Variants in TESPA1 observed in about 807,000 individuals in gnomAD.
TESPA1 encodes thymocyte expressed, positive selection associated 1.
In TESPA1, 33 loss-of-function variants were observed where a neutral mutation model predicts 57.9. The observed-to-expected ratio is 0.57, with a 90% confidence interval of 0.43 to 0.76. The LOEUF is 0.76. Ranked by LOEUF, TESPA1 falls within the 30% of genes least tolerant of loss-of-function variation. The probability of loss-of-function intolerance (pLI) is 0.00; values close to 1 mark genes in which losing one functional copy is unlikely to be tolerated. For missense variants in TESPA1, 618 were observed against 632.9 expected, an observed-to-expected ratio of 0.98 and a Z score of 0.25; for synonymous variants, 227 against 228.9, an observed-to-expected ratio of 0.99 and a Z score of 0.07.
chr12:54,973,766 C>G (rs1158170892), intron 2 of TESPA1: 1 of 1,263,428 alleles, frequency 7.9e-7, no homozygotes, highest in Non-Finnish European at 1.0e-6. Flanking sequence ...GATGTCAGGC[C>G]CACTGCTGTC....
At chr12:54,977,433 T>C (rs1189978732) in intron 1 of TESPA1, among the ~76,000 whole-genome samples, 1 of 152,210 alleles carries the variant, frequency 6.6e-6, no homozygotes, top group Non-Finnish European at 1.5e-5. Context: ...AGAGAGATGG[T>C]TATTCTAAGA....
intron 10 of TESPA1, among the ~76,000 whole-genome samples, chr12:54,959,048 T>G (rs1950913994): frequency 6.6e-6 from 1 of 152,236 alleles, no homozygotes; most frequent in Non-Finnish European, 1.5e-5. Flanking sequence ...TACTATGTCT[T>G]TTTTTTACAA....
At position 54,974,445 on chromosome 12, in the gene TESPA1, C is replaced by T. The variant is rs774929485; in HGVS notation, c.118G>A (p.Val40Ile). The change falls in exon 2 of 11, where the codon GTC becomes ATC. Residue 40 changes from valine to isoleucine, a missense_variant. Coordinates refer to ENST00000449076, the MANE Select transcript of TESPA1 (RefSeq NM_001136030.3). ...EEEAAAALQDVPDPEPSSLDD... is the reference protein window; with the variant it reads ...EEEAAAALQDIPDPEPSSLDD... Reference sequence around the variant, plus strand: ...AGGCTGGAAGGCTCAGGATCTGGGACATCCTGCAGGGCGGCGGCAGCCTCC... The same window carrying T: ...AGGCTGGAAGGCTCAGGATCTGGGATATCCTGCAGGGCGGCGGCAGCCTCC... 2 of 1,610,646 alleles carry T rather than the reference C, an allele frequency of 1.2e-6. No homozygotes were observed. Among genetic ancestry groups the T allele is most frequent in the Non-Finnish European group, 1.7e-6 (2 of 1,178,522 alleles).
At chr12:54,982,790 T>C (rs574005707) in intron 1 of TESPA1, among the ~76,000 whole-genome samples, 2 of 152,348 alleles carry the variant, frequency 1.3e-5, no homozygotes, top group African/African-American at 4.8e-5. Context: ...TTTCATTTCC[T>C]TGGTAATAAG....
intron 10 of TESPA1, among the ~76,000 whole-genome samples, chr12:54,958,321 TA>T: frequency 6.6e-6 from 1 of 152,232 alleles, no homozygotes; most frequent in Non-Finnish European, 1.5e-5. Flanking sequence ...GGCAAGAACC[TA>T]CTTGTGGAGT....
chr12:54,973,409 AG>A, intron 3 of TESPA1, 67 bp downstream of exon 3: 1 of 1,605,134 alleles, frequency 6.2e-7, no homozygotes, highest in Non-Finnish European at 8.5e-7. Flanking sequence ...CTGAGTTTCC[AG>A]GAGTTGTGTC....
rs965574180 is a variant in TESPA1 at position 54,948,970 on chromosome 12, C to A, written c.*1422G>T. The stretch of plus-strand genomic sequence containing the variant: ...TTCTTCCAGCCTCTTCCCAGTTTTA[C>A]AACTCAGGAATATCTTTCTCTAGGA... On this transcript the variant is annotated 3_prime_UTR_variant, in exon 11 of 11. Transcript: ENST00000449076. 1 of 152,174 alleles carries A rather than the reference C, an allele frequency of 6.6e-6. No homozygotes were observed. The highest frequency in any genetic ancestry group is 1.5e-5 in the Non-Finnish European group (1 of 68,036). The allele number at this position is 152,174 out of a possible 1,614,324, so 9.4% of individuals were successfully genotyped here.
At chr12:54,974,052 G>T in intron 2 of TESPA1, 2 of 379,406 alleles carry the variant, frequency 5.3e-6, no homozygotes, top group Non-Finnish European at 7.6e-6. Context: ...ACAGCATTGT[G>T]GCCAGAGTCC....
chr12:54,982,897 C>T (rs1345635357), intron 1 of TESPA1, among the ~76,000 whole-genome samples: 1 of 152,126 alleles, frequency 6.6e-6, no homozygotes, highest in Non-Finnish European at 1.5e-5. Context: ...TTTGACTGAA[C>T]TCTTTTCTCA....
Position 54,969,019 on chromosome 12 carries a change from A to ATG in TESPA1, c.207-1129_207-1128dup, listed in dbSNP as rs147959428. On this transcript the variant is annotated intron_variant, in intron 3 of 10. Transcript: ENST00000449076. ...AAAATAAGTCACTACATATTTATAT[A>ATG]TGTATATATATATATATATATATAT... Among the ~76,000 whole-genome samples, 87 of 127,796 alleles carry ATG rather than the reference A, an allele frequency of 6.8e-4. 3 individuals are homozygous for ATG. Among genetic ancestry groups the ATG allele is most frequent in the African/African-American group, 2.6e-3 (84 of 32,690 alleles). 83.8% of individuals were successfully genotyped at this position (127,796 alleles called of 152,430 possible).
chr12:54,952,209 G>A (rs1328713061), intron 10 of TESPA1, among the ~76,000 whole-genome samples: 1 of 152,196 alleles, frequency 6.6e-6, no homozygotes, highest in Non-Finnish European at 1.5e-5. Context: ...ATGTTATGAT[G>A]CAGAAAGGAG....
chr12:54,967,811 A>G lies in TESPA1; in HGVS notation c.256+32T>C. The G allele has an allele frequency of 1.2e-6, 2 of 1,612,816 alleles. 1 individual carries two copies. Among genetic ancestry groups the G allele is most frequent in the Middle Eastern group, 3.3e-4 (2 of 6,056 alleles). On this transcript the variant is annotated intron_variant, in intron 4 of 10. Coordinates refer to ENST00000449076, the MANE Select transcript of TESPA1 (RefSeq NM_001136030.3). ...CACAGGTATATCACTCTCCAGGTAG[A>G]AGAAAAATAGATGGACAGAACCTAT...
intron 1 of TESPA1, among the ~76,000 whole-genome samples, chr12:54,980,486 C>T (rs1324337105): frequency 1.3e-5 from 2 of 152,172 alleles, no homozygotes; most frequent in Non-Finnish European, 2.9e-5. Flanking sequence ...CGGTTTGGGG[C>T]ACCACAGAGC....
At chr12:54,963,983 A>G (rs927242548) in intron 7 of TESPA1, 33 bp from the exon 8 acceptor site, 1 of 1,596,392 alleles carries the variant, frequency 6.3e-7, no homozygotes, top group Non-Finnish European at 8.6e-7. Flanking sequence ...AATAAGGGAC[A>G]ACTTTGAGAC....
chr12:54,984,154 A>G (rs991270990), intron 1 of TESPA1: 5 of 152,208 alleles, frequency 3.3e-5, no homozygotes, highest in African/African-American at 9.6e-5. Flanking sequence ...AGCTATGGAC[A>G]CTAGAGTAGG....
Position 54,974,430 on chromosome 12 carries a change from G to C in TESPA1, c.133C>G (p.Pro45Ala). The C allele has an allele frequency of 6.2e-7, 1 of 1,609,880 alleles. No homozygotes were observed. ...TGGAAAACGTCATCCAGGCTGGAAGGCTCAGGATCTGGGACATCCTGCAGG... is the reference window on the plus strand; with the variant it reads ...TGGAAAACGTCATCCAGGCTGGAAGCCTCAGGATCTGGGACATCCTGCAGG... ...AALQDVPDPE[P>A]SSLDDVFQEG... The change falls in exon 2 of 11, where the codon CCT becomes GCT. Residue 45 changes from proline to alanine, a missense_variant. Coordinates refer to ENST00000449076, the MANE Select transcript of TESPA1 (RefSeq NM_001136030.3).
rs758911223 is a variant in TESPA1 at position 54,963,831 on chromosome 12, G to T, written c.566C>A (p.Pro189His). The T allele has an allele frequency of 1.9e-6, 3 of 1,613,882 alleles. No individual in the cohort carries two copies. Among genetic ancestry groups the T allele is most frequent in the Non-Finnish European group, 2.5e-6 (3 of 1,179,888 alleles). Reference protein sequence around the residue: ...SRIPARFFTTPSQAKGIDFQL... With the variant: ...SRIPARFFTTHSQAKGIDFQL... ...GAAATCAATGCCCTTGGCCTGAGAG[G>T]GGGTGGTGAAAAATCGGGCGGGTAT... is the stretch of plus-strand genomic sequence containing the variant. The change falls in exon 8 of 11, where the codon CCC becomes CAC. Residue 189 changes from proline to histidine, a missense_variant. Physicochemically the swap from Pro to His is moderately conservative, Grantham distance 77. This residue lies in a region of TESPA1 where 409 missense variants were observed against 420.1 expected (regional missense o/e 0.97). Transcript: ENST00000449076.
Position 54,968,366 on chromosome 12 carries a change from A to T in TESPA1, c.207-474T>A, listed in dbSNP as rs528663427. ...CTGAACCATGTTATTGCTGAATATC[A>T]TGTCACTCAGGAAACAGCAGAAATT... On this transcript the variant is annotated intron_variant, in intron 3 of 10. Transcript: ENST00000449076. Among the ~76,000 whole-genome samples, 11 of 152,322 alleles carry T rather than the reference A, an allele frequency of 7.2e-5. No individual in the cohort carries two copies. The South Asian group carries it at 1.7e-3, about 23-fold the overall frequency.
intron 4 of TESPA1, among the ~76,000 whole-genome samples, chr12:54,967,462 C>T (rs532315675): frequency 6.6e-6 from 1 of 151,834 alleles, no homozygotes; most frequent in South Asian, 2.1e-4. Flanking sequence ...CATGCATTCA[C>T]CTATAACCTT....
Sources: allele counts gnomAD v4.1 joint callset (sites outside exome capture counted in the v4.1 genomes callset), GRCh38; gene constraint gnomAD v4.1.1; regional missense constraint gnomAD v4.1.1; transcripts MANE v1.5; gene names NCBI Gene and HGNC (gene_info 2026-07-23, HGNC 2026-07-21).